The following PCDH15 variants were observed in gnomAD, a reference collection of about 807,000 sequenced individuals.
PCDH15 encodes the protein protocadherin-15.
A neutral mutation model predicts 178.5 loss-of-function variants in PCDH15; 129 were observed. The observed-to-expected ratio is 0.72, with a 90% CI of 0.63 to 0.84. PCDH15 has a LOEUF of 0.84. Ranked by LOEUF, PCDH15 falls within the 40% of genes least tolerant of loss-of-function variation. The pLI is 0.00. For synonymous variants in PCDH15, 800 were observed against 732.0 expected (o/e 1.09, Z -1.50); for missense variants, 2,230 against 2,099.9 (o/e 1.06, Z -1.21).
chr10:54,094,747 TATTTA>T (rs1054827412), intron 15 of PCDH15, among the ~76,000 whole-genome samples: 1 of 152,198 alleles, frequency 6.6e-6, no homozygotes, highest in African/African-American at 2.4e-5. Flanking sequence ...CTTTAATTTT[TATTTA>T]ATTTAATATA....
At position 53,822,456 on chromosome 10, in the gene PCDH15, G is replaced by A. The variant is rs2076351421; in HGVS notation, c.4368-2226C>T. ...AAGAGGAGCAGGAGCAGGAGGAGGA[G>A]AAGGAGGAGAAATAGGAGGAGGAGG... On this transcript the variant is annotated intron_variant, in intron 32 of 37. Transcript: ENST00000644397. 5.0e-6 allele frequency: 8 copies of A among 1,600,058 alleles called. No homozygotes were observed. Among genetic ancestry groups the A allele is most frequent in the African/African-American group, 1.4e-5 (1 of 73,834 alleles).
intron 1 of PCDH15, among the ~76,000 whole-genome samples, chr10:54,716,300 C>G (rs1641283977): frequency 1.3e-5 from 2 of 152,108 alleles, no homozygotes; most frequent in South Asian, 4.1e-4. Context: ...ATTTTGACCA[C>G]AGGTGGCTCA....
chr10:54,421,691 TATACAC>T (rs1467147980), intron 3 of PCDH15, among the ~76,000 whole-genome samples: 1,191 of 94,894 alleles, frequency 0.013, 73 homozygotes, highest in African/African-American at 0.049. Flanking sequence ...TATATATATA[TATACAC>T]ACACACACAC....
At chr10:53,992,211 C>A (rs561430624) in intron 21 of PCDH15, among the ~76,000 whole-genome samples, 1 of 152,108 alleles carries the variant, frequency 6.6e-6, no homozygotes, top group East Asian at 1.9e-4. Flanking sequence ...TGCAGTTTCA[C>A]TGTTGAAGCC....
At chr10:53,832,954 G>A (rs1048241046) in intron 29 of PCDH15, among the ~76,000 whole-genome samples, 1 of 151,770 alleles carries the variant, frequency 6.6e-6, no homozygotes, top group African/African-American at 2.4e-5. Flanking sequence ...AAACAGATAC[G>A]CTTTTATAGA....
intron 2 of PCDH15, among the ~76,000 whole-genome samples, chr10:54,541,961 A>G (rs186349737): frequency 3.5e-4 from 54 of 152,322 alleles, no homozygotes; most frequent in African/African-American, 1.2e-3. Context: ...ATTCTTTGCC[A>G]CAAGACAGTT....
Position 53,938,902 on chromosome 10 carries a change from C to A in PCDH15, c.3286G>T (p.Asp1096Tyr). The A allele has an allele frequency of 6.2e-7, 1 of 1,613,384 alleles. No individual in the cohort carries two copies. The highest frequency in any genetic ancestry group is 8.5e-7 in the Non-Finnish European group (1 of 1,179,458). Residue 1096 changes from aspartate (D) to tyrosine (Y), a missense_variant, in exon 25 of 38, where the codon GAT (aspartate) becomes TAT (tyrosine). Asp to Tyr is a radical substitution (Grantham distance 160). Transcript: ENST00000644397. ...TGVIYVNGPLDYETRTSYVLR... is the reference protein window; with the variant it reads ...TGVIYVNGPLYYETRTSYVLR... The stretch of plus-strand genomic sequence containing the variant: ...ACATAGCTTGTCCTGGTCTCATAAT[C>A]CAGAGGTCCATTCACATAGATAACA...
chr10:54,239,261 A>C (rs1361745431), intron 8 of PCDH15, among the ~76,000 whole-genome samples: 1 of 151,970 alleles, frequency 6.6e-6, no homozygotes, highest in African/African-American at 2.4e-5. Context: ...TTCTTTCTAT[A>C]ATATATAGAA....
chr10:55,222,730 CATATAT>C (rs142618720), intron 1 of PCDH15, among the ~76,000 whole-genome samples: 35,261 of 121,274 alleles, frequency 0.29, 6,319 homozygotes, highest in Admixed American at 0.37. Context: ...CACACACACA[CATATAT>C]ATATATATAT....
intron 1 of PCDH15, among the ~76,000 whole-genome samples, chr10:55,297,896 C>T (rs1392583611): frequency 2.0e-5 from 3 of 152,096 alleles, no homozygotes; most frequent in Non-Finnish European, 4.4e-5. Flanking sequence ...GATATTTGCT[C>T]TCCAAGCAGG....
chr10:55,179,301 G>C (rs1564867546), intron 1 of PCDH15, among the ~76,000 whole-genome samples: 1 of 151,996 alleles, frequency 6.6e-6, no homozygotes, highest in Non-Finnish European at 1.5e-5. Flanking sequence ...TTCAGAGGGG[G>C]GATTGATAGT....
intron 8 of PCDH15, among the ~76,000 whole-genome samples, chr10:54,242,130 T>TTATATATA (rs57729172): frequency 3.2e-4 from 10 of 31,692 alleles, no homozygotes; most frequent in South Asian, 2.5e-3. Context: ...AATTCTATTT[T>TTATATATA]TATATATATA....
intron 3 of PCDH15, among the ~76,000 whole-genome samples, chr10:54,388,010 T>A (rs1195305397): frequency 2.6e-5 from 4 of 152,122 alleles, no homozygotes; most frequent in Admixed American, 2.6e-4. Context: ...GGTATAGAGT[T>A]TTAGTTTTAC....
chr10:54,485,247 C>T (rs2079018835), intron 3 of PCDH15, among the ~76,000 whole-genome samples: 1 of 151,670 alleles, frequency 6.6e-6, no homozygotes, highest in Non-Finnish European at 1.5e-5. Flanking sequence ...TTCTATATAC[C>T]AGAAACTTTC....
intron 25 of PCDH15, among the ~76,000 whole-genome samples, chr10:53,938,341 G>A (rs548737012): frequency 6.6e-6 from 1 of 152,002 alleles, no homozygotes; most frequent in Non-Finnish European, 1.5e-5. Flanking sequence ...AGGTTAAAAA[G>A]TGTAAATTAA....
At chr10:54,466,030 C>T (rs890109874) in intron 3 of PCDH15, among the ~76,000 whole-genome samples, 1 of 151,808 alleles carries the variant, frequency 6.6e-6, no homozygotes, top group Non-Finnish European at 1.5e-5. Context: ...TGTAGGTTCT[C>T]TGTATGTCTT....
intron 2 of PCDH15, among the ~76,000 whole-genome samples, chr10:54,997,743 ATGC>A (rs1303854125): frequency 6.6e-6 from 1 of 152,208 alleles, no homozygotes; most frequent in Non-Finnish European, 1.5e-5. Context: ...TAACAAGGAA[ATGC>A]TGATTTTGTC....
intron 2 of PCDH15, among the ~76,000 whole-genome samples, chr10:55,556,374 C>T (rs555935618): frequency 2.6e-5 from 4 of 152,230 alleles, no homozygotes; most frequent in South Asian, 2.1e-4. Flanking sequence ...CATATCTTTG[C>T]CTCTACCATA....
At chr10:54,630,856 GAC>G (rs1485634561) in intron 2 of PCDH15, among the ~76,000 whole-genome samples, 1 of 151,992 alleles carries the variant, frequency 6.6e-6, no homozygotes, top group Admixed American at 6.6e-5. Context: ...GACATGAAGA[GAC>G]AGTTCTCAAA....
Sources: allele counts gnomAD v4.1 joint callset (sites outside exome capture counted in the v4.1 genomes callset), GRCh38; gene constraint gnomAD v4.1.1; transcripts MANE v1.5; gene names NCBI Gene and HGNC (gene_info 2026-07-23, HGNC 2026-07-21).